The following TMEM132C variants were observed in gnomAD, a reference collection of about 807,000 sequenced individuals.
TMEM132C encodes protein phosphatase 1, regulatory subunit 152.
Under a neutral mutation model 61.4 loss-of-function variants are expected in TMEM132C, and 29 were observed. The observed-to-expected ratio is 0.47, with a 90% CI of 0.35 to 0.64. TMEM132C has a LOEUF of 0.64. Among genes scored for constraint, TMEM132C ranks in the 30% least tolerant of loss-of-function variants. TMEM132C has a pLI of 0.00. For synonymous variants in TMEM132C, 656 were observed against 633.1 expected, an observed-to-expected ratio of 1.04 and a Z score of -0.54; for missense variants, 1,408 against 1,476.9, an observed-to-expected ratio of 0.95 and a Z score of 0.76.
chr12:128,631,368 G>C (rs923316966), intron 4 of TMEM132C, among the ~76,000 whole-genome samples: 1 of 152,232 alleles, frequency 6.6e-6, no homozygotes, highest in Admixed American at 6.5e-5. Context: ...TGGTGATGGA[G>C]TTGACTCACT....
chr12:128,322,636 G>A (rs921335806), intron 1 of TMEM132C, among the ~76,000 whole-genome samples: 2 of 152,174 alleles, frequency 1.3e-5, no homozygotes, highest in Non-Finnish European at 2.9e-5. Context: ...CAGAGACTCT[G>A]GGGAGTTCAA....
intron 2 of TMEM132C, among the ~76,000 whole-genome samples, chr12:128,515,305 C>T (rs928573736): frequency 2.6e-5 from 4 of 152,130 alleles, no homozygotes; most frequent in Non-Finnish European, 5.9e-5. Flanking sequence ...TGCATTTACC[C>T]GTAATAATGG....
chr12:128,287,540 T>A (rs749771247), intron 1 of TMEM132C, among the ~76,000 whole-genome samples: 8 of 152,084 alleles, frequency 5.3e-5, no homozygotes, highest in Non-Finnish European at 1.5e-5. Context: ...TGTGTGTGTG[T>A]CTCTAGGTGC....
chr12:128,557,765 C>A (rs1172323939), intron 3 of TMEM132C, among the ~76,000 whole-genome samples: 5 of 152,262 alleles, frequency 3.3e-5, no homozygotes, highest in African/African-American at 1.2e-4. Flanking sequence ...CTTCTCATAT[C>A]TGGCTGATCT....
At chr12:128,306,206 C>CTTT (rs34273117) in intron 1 of TMEM132C, among the ~76,000 whole-genome samples, 4,510 of 136,866 alleles carry the variant, frequency 0.033, 152 homozygotes, top group South Asian at 0.071. Flanking sequence ...TGAAGAAATT[C>CTTT]TTTTTTTTTT....
At chr12:128,507,071 C>A (rs1000551888) in intron 2 of TMEM132C, among the ~76,000 whole-genome samples, 15 of 152,008 alleles carry the variant, frequency 9.9e-5, no homozygotes, top group Non-Finnish European at 2.2e-4. Context: ...GGCTTTGGGG[C>A]TCCTAGATTA....
intron 1 of TMEM132C, among the ~76,000 whole-genome samples, chr12:128,312,007 G>T (rs1368792938): frequency 6.6e-6 from 1 of 152,230 alleles, no homozygotes; most frequent in African/African-American, 2.4e-5. Flanking sequence ...TGCTGAAAGG[G>T]ACCCCGGAGC....
intron 4 of TMEM132C, among the ~76,000 whole-genome samples, chr12:128,626,954 G>T (rs1954023076): frequency 6.6e-6 from 1 of 152,154 alleles, no homozygotes. Flanking sequence ...GCCGAGTCAA[G>T]GGAGGAGCCA....
intron 3 of TMEM132C, among the ~76,000 whole-genome samples, chr12:128,584,331 G>A (rs894729540): frequency 2.0e-5 from 3 of 152,212 alleles, no homozygotes; most frequent in Admixed American, 2.0e-4. Context: ...AGGACCCAGA[G>A]CACATGTCAC....
At chr12:128,553,849 G>T (rs1017815828) in intron 3 of TMEM132C, among the ~76,000 whole-genome samples, 1 of 152,164 alleles carries the variant, frequency 6.6e-6, no homozygotes, top group Non-Finnish European at 1.5e-5. Context: ...GAGTGAAGGG[G>T]CCAGGGAAGA....
At chr12:128,506,104 C>T (rs747283596) in intron 2 of TMEM132C, among the ~76,000 whole-genome samples, 19 of 152,222 alleles carry the variant, frequency 1.2e-4, no homozygotes, top group Non-Finnish European at 2.1e-4. Flanking sequence ...CAGCCCCACT[C>T]GTTCTGCAGG....
chr12:128,298,192 A>G (rs752978542), intron 1 of TMEM132C, among the ~76,000 whole-genome samples: 6 of 152,176 alleles, frequency 3.9e-5, no homozygotes, highest in Non-Finnish European at 8.8e-5. Flanking sequence ...TCCCTTGCTT[A>G]AGACCCCAGT....
chr12:128,383,812 A>C (rs1413481352), intron 1 of TMEM132C, among the ~76,000 whole-genome samples: 7 of 152,188 alleles, frequency 4.6e-5, no homozygotes, highest in Non-Finnish European at 7.3e-5. Context: ...AACGGCTTGC[A>C]AAGTTCTGCT....
chr12:128,365,439 A>G (rs76628648), intron 1 of TMEM132C, among the ~76,000 whole-genome samples: 3,701 of 152,284 alleles, frequency 0.024, 158 homozygotes, highest in African/African-American at 0.084. Flanking sequence ...TATTAGTTCT[A>G]TTATAGTTCT....
intron 1 of TMEM132C, among the ~76,000 whole-genome samples, chr12:128,285,225 G>A (rs1413724972): frequency 2.0e-5 from 3 of 152,074 alleles, no homozygotes; most frequent in Non-Finnish European, 4.4e-5. Context: ...ATACCTAGAA[G>A]AACAGATTTT....
chr12:128,478,888 T>A (rs1418910866), intron 2 of TMEM132C, among the ~76,000 whole-genome samples: 2 of 152,192 alleles, frequency 1.3e-5, no homozygotes, highest in Non-Finnish European at 2.9e-5. Flanking sequence ...ATGGTACTGT[T>A]CTCGCCACCT....
At chr12:128,363,705 C>T (rs544792510) in intron 1 of TMEM132C, among the ~76,000 whole-genome samples, 1 of 152,034 alleles carries the variant, frequency 6.6e-6, no homozygotes, top group East Asian at 1.9e-4. Flanking sequence ...ATTAGCTGGG[C>T]GTGGTGGCAC....
intron 1 of TMEM132C, among the ~76,000 whole-genome samples, chr12:128,302,715 A>G (rs1335543512): frequency 6.6e-6 from 1 of 152,250 alleles, no homozygotes; most frequent in Non-Finnish European, 1.5e-5. Context: ...GGGAGGGTTA[A>G]TAAAACATAT....
At chr12:128,688,197 G>C (rs933061067) in intron 5 of TMEM132C, among the ~76,000 whole-genome samples, 18 of 152,172 alleles carry the variant, frequency 1.2e-4, no homozygotes, top group African/African-American at 3.9e-4. Context: ...GAATGCCAAT[G>C]ACTCGAACAG....
Sources: allele counts gnomAD v4.1 joint callset (sites outside exome capture counted in the v4.1 genomes callset), GRCh38; gene constraint gnomAD v4.1.1; transcripts MANE v1.5; gene names NCBI Gene and HGNC (gene_info 2026-07-23, HGNC 2026-07-21).